The following MVB12A variants were observed in gnomAD, a reference collection of about 807,000 sequenced individuals.
MVB12A encodes CIN85/CD2AP family binding protein.
MVB12A carries 30 observed loss-of-function variants against 34.3 expected under a neutral mutation model. The ratio of observed to expected loss-of-function variants is 0.88; its 90% CI spans 0.65 to 1.19. The LOEUF is 1.19. Ranked by LOEUF, MVB12A falls within the 50% of genes most tolerant of loss-of-function variation. The probability of loss-of-function intolerance (pLI) is 0.00; values close to 1 mark genes in which losing one functional copy is unlikely to be tolerated. For synonymous variants in MVB12A, 158 were observed against 158.9 expected (o/e 0.99, Z 0.04); for missense variants, 355 against 369.2 (o/e 0.96, Z 0.31).
intron 2 of MVB12A, among the ~76,000 whole-genome samples, chr19:17,410,592 A>G (rs146350523): frequency 0.036 from 4,257 of 119,680 alleles, 86 homozygotes; most frequent in Non-Finnish European, 0.05. Context: ...ATATATACAC[A>G]CATATATATA....
Position 17,420,455 on chromosome 19 carries a change from C to CGGAACCACCAGGGTCTGCCCACCTT in MVB12A, c.189+44_189+45insGGAACCACCAGGGTCTGCCCACCTT, listed in dbSNP as rs2074831008. ...CGGAACCACCAGGGTCTGCCCACCT[C>CGGAACCACCAGGGTCTGCCCACCTT]CCCTGCCCATTCACGGTGCCCTATG... On this transcript the variant is annotated intron_variant, in intron 2 of 8. Transcript: ENST00000317040. 4 of 1,601,082 alleles carry CGGAACCACCAGGGTCTGCCCACCTT rather than the reference C, an allele frequency of 2.5e-6. No individual in the cohort carries two copies. In the East Asian group the frequency reaches 8.9e-5, roughly 36 times the overall value.
At position 17,425,116 on chromosome 19, in the gene MVB12A, A is replaced by G; in HGVS notation, c.*123A>G. 1 of 641,260 alleles carries G rather than the reference A, an allele frequency of 1.6e-6. No individual in the cohort carries two copies. 39.7% of individuals were successfully genotyped at this position (641,260 alleles called of 1,614,324 possible). A position where few individuals can be genotyped will look rare whatever the true frequency, so the allele number is the denominator to read the frequency against. On this transcript the variant is annotated 3_prime_UTR_variant, in exon 9 of 9. Transcript: ENST00000317040. ...GCATCCTGGGAACCTTCGCCCTGCA[A>G]GGCGTTTGCTATCTTCAGCCACTGG...
At chr19:17,423,191 T>TAA (rs895549170) in intron 4 of MVB12A, among the ~76,000 whole-genome samples, 14 of 106,654 alleles carry the variant, frequency 1.3e-4, no homozygotes, top group African/African-American at 3.2e-4. Flanking sequence ...CGTTTCTACT[T>TAA]AAAAAAAAAA....
upstream of MVB12A, chr19:17,415,457 A>G (rs2074793460): frequency 6.6e-6 from 1 of 152,352 alleles, no homozygotes; most frequent in South Asian, 2.1e-4. Context: ...CTGGCATAGC[A>G]TCCATATCTA....
rs576678999 is a variant in MVB12A, at chr19:17,407,666, T to C, written c.-5+1370T>C. ...AGAGCCAGGTGTACAGGATGGAACA[T>C]GAAGGCGGACTAGGAGCGTGACCAC... On this transcript the variant is annotated intron_variant, in intron 2 of 6. Transcript: ENST00000528604. Among the ~76,000 whole-genome samples, 16 of 152,280 alleles carry C rather than the reference T, an allele frequency of 1.1e-4. No homozygotes were observed. In the South Asian group the frequency reaches 1.2e-3, roughly 12 times the overall value.
chr19:17,420,054 G>T lies in MVB12A; in HGVS notation c.-82G>T, dbSNP rs534537907. ...CATGGCCTTCTGGGAGTTGTAGTTC[G>T]GTCGCGAGCGCTGCCGTCGGGAGGC... On this transcript the variant is annotated 5_prime_UTR_variant, in exon 1 of 9. Transcript: ENST00000317040. 1.2e-6 allele frequency: 1 copy of T among 829,110 alleles called. No individual in the cohort carries two copies. The highest frequency in any genetic ancestry group is 1.6e-6 in the Non-Finnish European group (1 of 624,866). The allele number at this position is 829,110 out of a possible 1,614,324, so 51.4% of individuals were successfully genotyped here.
upstream of MVB12A, chr19:17,415,496 C>T (rs113194725): frequency 6.6e-6 from 1 of 151,450 alleles, no homozygotes; most frequent in African/African-American, 2.4e-5. Context: ...GAGCCCGGCA[C>T]CTGGTTCCGT....
chr19:17,422,547 C>T lies in MVB12A; in HGVS notation c.413+89C>T, dbSNP rs1327434231. 3.1e-6 allele frequency: 4 copies of T among 1,273,350 alleles called. No homozygotes were observed. The African/African-American group carries it at 4.5e-5, about 14-fold the overall frequency. 78.9% of individuals were successfully genotyped at this position (1,273,350 alleles called of 1,614,324 possible). ...TGACCCTCAAGGACACCCCTGAGGTCTCCTGTTCCTTCTTCTACCTTCTGA... is the reference window on the plus strand; with the variant it reads ...TGACCCTCAAGGACACCCCTGAGGTTTCCTGTTCCTTCTTCTACCTTCTGA... On this transcript the variant is annotated intron_variant, in intron 4 of 8. Coordinates refer to ENST00000317040, the MANE Select transcript of MVB12A (RefSeq NM_138401.4).
At chr19:17,417,466 C>G (rs763892326), upstream of MVB12A, 6 of 151,792 alleles carry the variant, frequency 4.0e-5, no homozygotes, top group African/African-American at 1.5e-4. Flanking sequence ...ATTAGCCAGA[C>G]GTGGTGGTAC....
In MVB12A at chr19:17,423,596, T is replaced by C; in HGVS notation, c.512T>C (p.Leu171Pro). 6.2e-7 allele frequency: 1 copy of C among 1,614,136 alleles called. No individual in the cohort carries two copies. The highest frequency in any genetic ancestry group is 8.5e-7 in the Non-Finnish European group (1 of 1,180,020). Reference protein sequence around the residue: ...GLSRDMQGLSLDAASQPSKGG... With the variant: ...GLSRDMQGLSPDAASQPSKGG... ...AGCCGGGACATGCAGGGCCTCTCTC[T>C]GGATGCAGCCAGCCAGCCAAGGTGA... The change falls in exon 5 of 9, where the codon CTG becomes CCG. Residue 171 changes from leucine to proline, a missense_variant. Physicochemically the swap from Leu to Pro is moderately conservative, Grantham distance 98. Coordinates refer to ENST00000317040, the MANE Select transcript of MVB12A (RefSeq NM_138401.4).
At chr19:17,424,499 G>A in intron 7 of MVB12A, 122 bp from the exon 8 acceptor site, 3 of 1,020,396 alleles carry the variant, frequency 2.9e-6, no homozygotes, top group Non-Finnish European at 4.4e-6. Context: ...AAAAATAAGG[G>A]GGAGGGATGT....
chr19:17,405,829 AGCCAACTGTGGCT>A, intron 1 of MVB12A: 1 of 392,206 alleles, frequency 2.5e-6, no homozygotes, highest in Non-Finnish European at 4.7e-6. Flanking sequence ...GCTGGGTGCC[AGCCAACTGTGGCT>A]GCCTGGGACA....
chr19:17,414,042 A>T (rs926815040), intron 2 of MVB12A: 1 of 152,290 alleles, frequency 6.6e-6, no homozygotes, highest in African/African-American at 2.4e-5. Context: ...GCACTTTGGG[A>T]GGCTGAGGTG....
At chr19:17,409,026 G>A (rs193027867) in intron 2 of MVB12A, among the ~76,000 whole-genome samples, 18 of 149,880 alleles carry the variant, frequency 1.2e-4, no homozygotes, top group African/African-American at 3.7e-4. Context: ...ATGGGGTTTC[G>A]CCATGTTGGC....
chr19:17,409,259 T>C (rs1398017402), intron 2 of MVB12A, among the ~76,000 whole-genome samples: 1 of 151,462 alleles, frequency 6.6e-6, no homozygotes, highest in Non-Finnish European at 1.5e-5. Context: ...GCCTCCTGAG[T>C]AGCTGGGACT....
rs768595642 is a variant in MVB12A, at chr19:17,424,084, G to A, written c.702+17G>A. 3 of 1,613,482 alleles carry A rather than the reference G, an allele frequency of 1.9e-6. No homozygotes were observed. The highest frequency in any genetic ancestry group is 2.5e-6 in the Non-Finnish European group (3 of 1,179,480). ...AGCCCCCTGGTGAGTCGGGGTCTCA[G>A]GGAGCCTGGGTCTGCGCCTGCCATC... On this transcript the variant is annotated intron_variant, in intron 7 of 8. Coordinates refer to ENST00000317040, the MANE Select transcript of MVB12A (RefSeq NM_138401.4).
intron 2 of MVB12A, among the ~76,000 whole-genome samples, chr19:17,412,828 G>A (rs539677191): frequency 2.0e-5 from 3 of 152,192 alleles, no homozygotes; most frequent in African/African-American, 7.2e-5. Flanking sequence ...CTCAGGGTCT[G>A]GTGGAGGGCT....
upstream of MVB12A, chr19:17,416,981 T>C (rs570963210): frequency 1.1e-4 from 32 of 281,184 alleles, no homozygotes; most frequent in African/African-American, 7.2e-4. Context: ...GAGTGAGCCA[T>C]CACTCCTGGC....
At position 17,420,531 on chromosome 19, in the gene MVB12A, C is replaced by T. The variant is rs201862731; in HGVS notation, c.190-7C>T. On this transcript the variant is annotated splice_region_variant and splice_polypyrimidine_tract_variant and intron_variant, in intron 2 of 8. Transcript: ENST00000317040. ...CCACCCTCGCCGTGTCCCCCTTCCA[C>T]CCCCAGAACCCGCAGGAGAACGTGG... 5.6e-6 allele frequency: 9 copies of T among 1,610,590 alleles called. 1 individual carries two copies. In the East Asian group the frequency reaches 8.9e-5, roughly 16 times the overall value.
Sources: allele counts gnomAD v4.1 joint callset (sites outside exome capture counted in the v4.1 genomes callset), GRCh38; gene constraint gnomAD v4.1.1; transcripts MANE v1.5; gene names NCBI Gene and HGNC (gene_info 2026-07-23, HGNC 2026-07-21).